The following PPP1R9A variants were observed in gnomAD, a reference collection of about 807,000 sequenced individuals.
PPP1R9A encodes protein phosphatase 1 regulatory subunit 9A, also known as neurabin-1.
In PPP1R9A, 59 loss-of-function variants were observed where a neutral mutation model predicts 141.9. The ratio of observed to expected loss-of-function variants is 0.42; its 90% CI spans 0.34 to 0.52. PPP1R9A has a LOEUF of 0.52. Ranked by LOEUF, PPP1R9A falls within the 20% of genes least tolerant of loss-of-function variation. The pLI, the probability that PPP1R9A is intolerant of heterozygous loss-of-function variation, is 0.10. For missense variants in PPP1R9A, 1,444 were observed against 1,611.9 expected (o/e 0.90, Z 1.78); for synonymous variants, 500 against 569.7 (o/e 0.88, Z 1.74).
At chr7:95,054,700 T>C (rs1811280987) in intron 2 of PPP1R9A, among the ~76,000 whole-genome samples, 1 of 152,164 alleles carries the variant, frequency 6.6e-6, no homozygotes, top group South Asian at 2.1e-4. Flanking sequence ...GACCTTTTTC[T>C]CTTTCTTGAC....
intron 4 of PPP1R9A, among the ~76,000 whole-genome samples, chr7:95,149,862 T>A (rs1828338327): frequency 6.6e-6 from 1 of 151,646 alleles, no homozygotes; most frequent in Non-Finnish European, 1.5e-5. Context: ...GATTCTAAAG[T>A]TTATATGGAA....
chr7:94,961,473 T>C (rs1474400468), intron 2 of PPP1R9A, among the ~76,000 whole-genome samples: 1 of 151,794 alleles, frequency 6.6e-6, no homozygotes, highest in Non-Finnish European at 1.5e-5. Context: ...AAATCTATAA[T>C]ATTTTAAGCA....
At chr7:95,123,554 C>T (rs973770694) in intron 4 of PPP1R9A, among the ~76,000 whole-genome samples, 28 of 152,058 alleles carry the variant, frequency 1.8e-4, no homozygotes, top group Admixed American at 8.5e-4. Flanking sequence ...GAGACTGAGG[C>T]GGGAGAATCG....
intron 9 of PPP1R9A, among the ~76,000 whole-genome samples, chr7:95,248,899 G>C (rs1319333765): frequency 6.6e-6 from 1 of 152,126 alleles, no homozygotes; most frequent in Non-Finnish European, 1.5e-5. Context: ...AAACATAGAT[G>C]TGTGTGTATA....
At chr7:94,951,456 TGA>T (rs1339689839) in intron 2 of PPP1R9A, among the ~76,000 whole-genome samples, 11 of 152,130 alleles carry the variant, frequency 7.2e-5, no homozygotes, top group African/African-American at 2.7e-4. Context: ...GAATGGATAT[TGA>T]GTTTCATTGA....
Position 95,269,453 on chromosome 7 carries a change from G to A in PPP1R9A, c.3070G>A (p.Glu1024Lys). 1 of 1,590,518 alleles carries A rather than the reference G, an allele frequency of 6.3e-7. No individual in the cohort carries two copies. The highest frequency in any genetic ancestry group is 8.5e-7 in the Non-Finnish European group (1 of 1,173,044). Reference protein sequence around the residue: ...FSTSKSDHDVEESPCHHQTTN... With the variant: ...FSTSKSDHDVKESPCHHQTTN... ...TACTTCAAAGTCTGATCATGATGTG[G>A]AAGAATCTCCTTGCCATCACCAAAC... Residue 1024 changes from glutamate to lysine, a missense_variant, in exon 14 of 20, where the codon GAA (glutamate) becomes AAA (lysine). This residue lies in a region of PPP1R9A where 459 missense variants were observed against 513.8 expected (regional missense o/e 0.89). Transcript: ENST00000433360.
At chr7:94,995,272 G>A (rs1802031681) in intron 2 of PPP1R9A, among the ~76,000 whole-genome samples, 2 of 151,952 alleles carry the variant, frequency 1.3e-5, no homozygotes, top group Non-Finnish European at 1.5e-5. Context: ...GTTATGATAT[G>A]CCTTGGTGCC....
At chr7:95,164,137 G>A (rs952671434) in intron 5 of PPP1R9A, among the ~76,000 whole-genome samples, 2 of 152,160 alleles carry the variant, frequency 1.3e-5, no homozygotes, top group Non-Finnish European at 2.9e-5. Context: ...GTTTAGTTTT[G>A]CAAGAAACCA....
chr7:95,167,203 T>C (rs934755910), intron 5 of PPP1R9A, among the ~76,000 whole-genome samples: 2 of 152,130 alleles, frequency 1.3e-5, no homozygotes, highest in Admixed American at 1.3e-4. Context: ...AGAGTGCTTA[T>C]GTAGGGAAAC....
intron 2 of PPP1R9A, among the ~76,000 whole-genome samples, chr7:95,072,898 G>A (rs1236974736): frequency 9.2e-6 from 1 of 108,952 alleles, no homozygotes; most frequent in Non-Finnish European, 1.8e-5. Flanking sequence ...ACCATATATA[G>A]CATATATGTG....
At chr7:94,940,605 TA>T (rs1207616012) in intron 2 of PPP1R9A, among the ~76,000 whole-genome samples, 4 of 152,018 alleles carry the variant, frequency 2.6e-5, no homozygotes, top group Non-Finnish European at 5.9e-5. Context: ...TTGGCTCTGT[TA>T]GCCTCTAGAG....
At chr7:95,013,985 CTTCTTTT>C (rs760301955) in intron 2 of PPP1R9A, among the ~76,000 whole-genome samples, 10 of 152,150 alleles carry the variant, frequency 6.6e-5, no homozygotes, top group Middle Eastern at 3.4e-3. Context: ...TCTCTGCCTT[CTTCTTTT>C]TTCTTTTTGA....
At chr7:95,023,608 C>T (rs1806338840) in intron 2 of PPP1R9A, among the ~76,000 whole-genome samples, 1 of 152,030 alleles carries the variant, frequency 6.6e-6, no homozygotes, top group African/African-American at 2.4e-5. Context: ...GGCTGGAGTG[C>T]AGTGGCGCGA....
At chr7:95,049,874 A>G (rs1313655768) in intron 2 of PPP1R9A, among the ~76,000 whole-genome samples, 10 of 152,168 alleles carry the variant, frequency 6.6e-5, no homozygotes, top group Admixed American at 6.5e-4. Context: ...AGCTCTGAAT[A>G]GTATTCCATT....
intron 4 of PPP1R9A, among the ~76,000 whole-genome samples, chr7:95,151,916 A>G (rs527960957): frequency 6.8e-6 from 1 of 147,346 alleles, no homozygotes; most frequent in Non-Finnish European, 1.5e-5. Flanking sequence ...AGGAAGTGAT[A>G]ATGTCAGCAC....
chr7:95,078,826 TG>T (rs1313430253), intron 2 of PPP1R9A, among the ~76,000 whole-genome samples: 7 of 151,728 alleles, frequency 4.6e-5, no homozygotes, highest in Non-Finnish European at 1.5e-5. Context: ...TTGATGGGGT[TG>T]TTTGTTTTTT....
chr7:94,978,677 G>A (rs1367387298), intron 2 of PPP1R9A, among the ~76,000 whole-genome samples: 2 of 152,150 alleles, frequency 1.3e-5, no homozygotes, highest in African/African-American at 2.4e-5. Context: ...ATGACCTAGT[G>A]TAAGTATTCT....
At chr7:95,243,433 C>G (rs1797725825) in intron 8 of PPP1R9A, among the ~76,000 whole-genome samples, 1 of 152,104 alleles carries the variant, frequency 6.6e-6, no homozygotes, top group African/African-American at 2.4e-5. Context: ...GGTCTGCTTT[C>G]TAAGCTTCAT....
At chr7:95,232,441 C>T (rs1796093807) in intron 8 of PPP1R9A, among the ~76,000 whole-genome samples, 1 of 152,104 alleles carries the variant, frequency 6.6e-6, no homozygotes, top group African/African-American at 2.4e-5. Flanking sequence ...CTAGGCAATA[C>T]CATTCAGGAC....
Sources: allele counts gnomAD v4.1 joint callset (sites outside exome capture counted in the v4.1 genomes callset), GRCh38; gene constraint gnomAD v4.1.1; regional missense constraint gnomAD v4.1.1; transcripts MANE v1.5; gene names NCBI Gene and HGNC (gene_info 2026-07-23, HGNC 2026-07-21).